ARID1B: variants seen among roughly 807,000 people sequenced by gnomAD.
The protein encoded by ARID1B is AT-rich interactive domain-containing protein 1B.
Under a neutral mutation model 212.3 loss-of-function variants are expected in ARID1B, and 30 were observed. The observed-to-expected ratio is 0.14, with a 90% CI of 0.11 to 0.19. The LOEUF (loss-of-function observed/expected upper bound fraction) is 0.19, where lower values mean the gene tolerates loss of function less well. Among genes scored for constraint, ARID1B ranks in the 10% least tolerant of loss-of-function variants. The pLI is 1.00. For synonymous variants in ARID1B, 1,402 were observed against 1,301.7 expected (o/e 1.08, Z -1.66); for missense variants, 2,891 against 3,204.0 (o/e 0.90, Z 2.36).
intron 4 of ARID1B, among the ~76,000 whole-genome samples, chr6:157,066,539 ACTGT>A (rs1190473761): frequency 6.6e-6 from 1 of 152,170 alleles, no homozygotes; most frequent in East Asian, 1.9e-4. Context: ...GGGCCAAAAC[ACTGT>A]CTTGCTTGTA....
At chr6:156,916,714 T>C (rs1790387077) in intron 3 of ARID1B, among the ~76,000 whole-genome samples, 1 of 151,306 alleles carries the variant, frequency 6.6e-6, no homozygotes, top group African/African-American at 2.5e-5. Flanking sequence ...CTCATGACCT[T>C]TCTCTCTCCT....
At chr6:156,870,741 A>ATC (rs397888151) in intron 2 of ARID1B, among the ~76,000 whole-genome samples, 1 of 152,108 alleles carries the variant, frequency 6.6e-6, no homozygotes, top group East Asian at 1.9e-4. Flanking sequence ...AAAAAAAAAA[A>ATC]GTCACATATA....
chr6:157,006,584 A>T (rs903756654), intron 4 of ARID1B, among the ~76,000 whole-genome samples: 13 of 152,216 alleles, frequency 8.5e-5, no homozygotes, highest in African/African-American at 3.1e-4. Flanking sequence ...TTCAGTTATT[A>T]ACCATTAGGA....
chr6:156,810,802 C>G (rs983500712), intron 1 of ARID1B, among the ~76,000 whole-genome samples: 1 of 152,114 alleles, frequency 6.6e-6, no homozygotes, highest in African/African-American at 2.4e-5. Flanking sequence ...GTGGGAGGGG[C>G]AAGAGTGAGG....
intron 3 of ARID1B, among the ~76,000 whole-genome samples, chr6:156,906,557 A>G (rs1789403022): frequency 1.4e-5 from 2 of 139,578 alleles, no homozygotes; most frequent in African/African-American, 6.2e-5. Flanking sequence ...AAAAAAAAAA[A>G]AAAAAAAAAA....
rs544233506 is a variant in ARID1B at position 156,816,400 on chromosome 6, TAAAG to T, written c.1792-12823_1792-12820del. Among the ~76,000 whole-genome samples the T allele has an allele frequency of 3.3e-3, 500 of 152,312 alleles. 6 individuals carry two copies. Among genetic ancestry groups the T allele is most frequent in the African/African-American group, 0.011 (472 of 41,564 alleles). ...GGTTTCTTTAATTTTGTTTTTTTAT[TAAAG>T]AAATAATAGCAATAATGGTTGTCCA... is the stretch of plus-strand genomic sequence containing the variant. On this transcript the variant is annotated intron_variant, in intron 1 of 19. Coordinates refer to ENST00000636930, the MANE Select transcript of ARID1B (RefSeq NM_001374828.1).
intron 17 of ARID1B, 107 bp downstream of exon 17, chr6:157,199,014 G>A (rs1204344563): frequency 1.1e-6 from 1 of 942,926 alleles, no homozygotes; most frequent in African/African-American, 1.6e-5. Flanking sequence ...TAACAAAAAT[G>A]ATTAGTGTTT....
intron 2 of ARID1B, among the ~76,000 whole-genome samples, chr6:156,894,906 G>A (rs1285803003): frequency 1.3e-5 from 2 of 152,176 alleles, no homozygotes; most frequent in Admixed American, 6.5e-5. Context: ...ATTTCTATAT[G>A]TATTTCAGGA....
At chr6:156,927,014 G>C (rs1358923431) in intron 3 of ARID1B, among the ~76,000 whole-genome samples, 1 of 150,664 alleles carries the variant, frequency 6.6e-6, no homozygotes, top group African/African-American at 2.5e-5. Context: ...AAATATTTCA[G>C]TATGTGCCTT....
chr6:156,911,385 T>A (rs4870497), intron 3 of ARID1B, among the ~76,000 whole-genome samples: 4 of 142,660 alleles, frequency 2.8e-5, no homozygotes, highest in Admixed American at 1.4e-4. Context: ...ATACCCAAAC[T>A]TTGGCACTTT....
At chr6:157,065,450 A>C (rs1265374358) in intron 4 of ARID1B, among the ~76,000 whole-genome samples, 1 of 152,246 alleles carries the variant, frequency 6.6e-6, no homozygotes, top group Non-Finnish European at 1.5e-5. Flanking sequence ...AACCGTCTCT[A>C]ATTGATGAAA....
At chr6:156,999,454 A>G (rs1306911918) in intron 4 of ARID1B, among the ~76,000 whole-genome samples, 1 of 152,248 alleles carries the variant, frequency 6.6e-6, no homozygotes, top group East Asian at 1.9e-4. Flanking sequence ...AAGGCCCAAT[A>G]AAGCAGTCAC....
intron 4 of ARID1B, among the ~76,000 whole-genome samples, chr6:157,039,322 CTTTTTTTTTTT>C (rs1003131791): frequency 3.0e-4 from 31 of 102,976 alleles, no homozygotes; most frequent in African/African-American, 1.2e-3. Context: ...TTTGACATTT[CTTTTTTTTTTT>C]TTTTTTTTGA....
intron 7 of ARID1B, among the ~76,000 whole-genome samples, chr6:157,138,412 A>C (rs1006856721): frequency 2.6e-5 from 4 of 151,864 alleles, no homozygotes; most frequent in African/African-American, 9.7e-5. Flanking sequence ...TTTTTTTTGT[A>C]TTTTTTGTAG....
chr6:156,930,696 T>C (rs1772485093), intron 3 of ARID1B, among the ~76,000 whole-genome samples: 1 of 152,034 alleles, frequency 6.6e-6, no homozygotes, highest in African/African-American at 2.4e-5. Flanking sequence ...CTACAAATAA[T>C]GCAATGTTGT....
intron 2 of ARID1B, among the ~76,000 whole-genome samples, chr6:156,892,279 T>G (rs1406351123): frequency 2.0e-5 from 3 of 152,142 alleles, no homozygotes; most frequent in Admixed American, 6.5e-5. Context: ...CCTTACATAT[T>G]TTACTTTGTA....
At chr6:157,191,409 C>T (rs760951570) in intron 15 of ARID1B, among the ~76,000 whole-genome samples, 1 of 151,774 alleles carries the variant, frequency 6.6e-6, no homozygotes, top group Admixed American at 6.6e-5. Context: ...GGGTGTGTCC[C>T]GGTGGTAAGG....
intron 2 of ARID1B, among the ~76,000 whole-genome samples, chr6:156,879,138 C>T (rs918129455): frequency 3.3e-5 from 5 of 152,192 alleles, no homozygotes; most frequent in Non-Finnish European, 5.9e-5. Context: ...GAGGAGTGTT[C>T]GCATCATACC....
intron 2 of ARID1B, among the ~76,000 whole-genome samples, chr6:156,843,675 T>C (rs2128091919): frequency 6.6e-6 from 1 of 152,306 alleles, no homozygotes; most frequent in Non-Finnish European, 1.5e-5. Context: ...TAAAAATTGG[T>C]ATTTTGCAGT....
Sources: gnomAD v4.1 joint callset for allele counts (sites outside exome capture counted in the v4.1 genomes callset) on GRCh38, gnomAD v4.1.1 for gene constraint, MANE v1.5 for transcripts, NCBI Gene and HGNC (gene_info 2026-07-23, HGNC 2026-07-21) for gene names.